TXNDC16: variants seen among roughly 807,000 people sequenced by gnomAD.
The protein encoded by TXNDC16 is thioredoxin domain-containing protein 16.
Under a neutral mutation model 85.6 loss-of-function variants are expected in TXNDC16, and 74 were observed. The observed-to-expected ratio is 0.86, with a 90% CI of 0.72 to 1.05. The LOEUF (loss-of-function observed/expected upper bound fraction) is 1.05. Among genes scored for constraint, TXNDC16 ranks in the 50% least tolerant of loss-of-function variants. The pLI is 0.00. For missense variants in TXNDC16, 959 were observed against 947.0 expected (o/e 1.01, Z -0.17); for synonymous variants, 335 against 326.5 (o/e 1.03, Z -0.28).
At chr14:52,435,720 G>C (rs368960872) in intron 20 of TXNDC16, among the ~76,000 whole-genome samples, 42 of 152,196 alleles carry the variant, frequency 2.8e-4, no homozygotes, top group Admixed American at 2.0e-4. Context: ...CAACACTTTG[G>C]GGGGCTGAGG....
In TXNDC16 at chr14:52,491,013, GAAA is replaced by G. The variant is rs369712294; in HGVS notation, c.757-11_757-9del. 7.2e-3 allele frequency: 8,450 copies of G among 1,170,700 alleles called. No individual in the cohort carries two copies. Among genetic ancestry groups the G allele is most frequent in the East Asian group, 0.016 (474 of 29,976 alleles). 72.5% of individuals were successfully genotyped at this position (1,170,700 alleles called of 1,614,324 possible). Reference sequence around the variant, plus strand: ...ATCTTCAGCAACTTCAGTCTTCATTGAAAAAAAAAAAAAAAAAAGGTGTGATAA... The same window carrying G: ...ATCTTCAGCAACTTCAGTCTTCATTGAAAAAAAAAAAAAAAGGTGTGATAA... On this transcript the variant is annotated splice_polypyrimidine_tract_variant and intron_variant, in intron 9 of 20. Coordinates refer to ENST00000281741, the MANE Select transcript of TXNDC16 (RefSeq NM_020784.3).
chr14:52,531,198 G>T (rs1200913666), intron 6 of TXNDC16, among the ~76,000 whole-genome samples: 1 of 152,082 alleles, frequency 6.6e-6, no homozygotes, highest in African/African-American at 2.4e-5. Context: ...GGAACAACAG[G>T]AACTTTCATT....
intron 9 of TXNDC16, among the ~76,000 whole-genome samples, chr14:52,494,681 T>C (rs1253356765): frequency 2.6e-5 from 4 of 152,088 alleles, no homozygotes; most frequent in Non-Finnish European, 4.4e-5. Context: ...GCCAAGAAAA[T>C]GGGGCTTTAT....
In TXNDC16 at chr14:52,440,722, C is replaced by T. The variant is rs112484936; in HGVS notation, c.1845G>A (p.Pro615=). The T allele has an allele frequency of 1.0e-4, 160 of 1,601,626 alleles. No individual in the cohort carries two copies. The South Asian group carries it at 1.1e-3, about 11-fold the overall frequency. ...TGGGAAGATTTTCCACAGTGATTTC[C>T]GGCTGTCAAAGAAAAGGAATAACAA... ...IITDALLEMF[P]EITVENLPSY... The change falls in exon 19 of 21, where the codon CCG becomes CCA. Residue 615 remains proline (P), a splice_region_variant and synonymous_variant. Transcript: ENST00000281741.
chr14:52,520,178 G>A (rs1409987040), intron 6 of TXNDC16, among the ~76,000 whole-genome samples: 1 of 152,204 alleles, frequency 6.6e-6, no homozygotes, highest in East Asian at 1.9e-4. Context: ...CGCATTTATT[G>A]AATCAAGAAG....
chr14:52,439,439 C>T, intron 19 of TXNDC16, 45 bp from the exon 20 acceptor site: 5 of 1,508,742 alleles, frequency 3.3e-6, no homozygotes, highest in Non-Finnish European at 4.5e-6. Context: ...CTTTCTACAA[C>T]AAAATAATGA....
chr14:52,536,551 A>T (rs551743652), intron 6 of TXNDC16, among the ~76,000 whole-genome samples, 168 bp downstream of exon 6: 5 of 152,308 alleles, frequency 3.3e-5, no homozygotes, highest in Admixed American at 1.3e-4. Flanking sequence ...CCATTAAAAA[A>T]TTTTTTAGAT....
intron 18 of TXNDC16, among the ~76,000 whole-genome samples, chr14:52,446,407 C>G (rs2035285287): frequency 6.6e-6 from 1 of 152,116 alleles, no homozygotes; most frequent in African/African-American, 2.4e-5. Flanking sequence ...AATGCCCATC[C>G]TAGAAGTCAG....
chr14:52,520,589 G>T (rs549997159), intron 6 of TXNDC16, among the ~76,000 whole-genome samples: 1 of 152,024 alleles, frequency 6.6e-6, no homozygotes, highest in African/African-American at 2.4e-5. Context: ...CAGCCTGGGC[G>T]ACAGAGCGAG....
Position 52,432,557 on chromosome 14 carries a change from G to A in TXNDC16, c.2225C>T (p.Pro742Leu). ...ACTTAGAAAATCATAAGCTGGAAGA[G>A]GAGGTTTCCATTCTTGAGCAGGTAA... ...TILPAQEWKP[P>L]LPAYDFLSMI... Residue 742 changes from proline to leucine, a missense_variant, in exon 21 of 21, where the codon CCT becomes CTT. Transcript: ENST00000281741. 1 of 1,611,030 alleles carries A rather than the reference G, an allele frequency of 6.2e-7. No individual in the cohort carries two copies. The highest frequency in any genetic ancestry group is 1.3e-5 in the African/African-American group (1 of 74,888).
rs757208302 is a variant in TXNDC16, at chr14:52,482,839, A to G, written c.1235T>C (p.Val412Ala). 5 of 1,611,358 alleles carry G rather than the reference A, an allele frequency of 3.1e-6. No individual in the cohort carries two copies. In the South Asian group the frequency reaches 5.5e-5, roughly 18 times the overall value. Residue 412 changes from valine to alanine, a missense_variant, in exon 13 of 21, where the codon GTA becomes GCA. Val to Ala is a moderately conservative substitution (Grantham distance 64). Coordinates refer to ENST00000281741, the MANE Select transcript of TXNDC16 (RefSeq NM_020784.3). ...NATVMASDSI[V>A]LFYAGWQAVS... is the part of the protein sequence containing the mutation. Reference sequence around the variant, plus strand: ...ATACTCACAACCAGCATAGAAGAGTACTATGCTGTCAGAAGCCATCACTGT... The same window carrying G: ...ATACTCACAACCAGCATAGAAGAGTGCTATGCTGTCAGAAGCCATCACTGT...
chr14:52,527,759 A>G (rs1198021258), intron 6 of TXNDC16, among the ~76,000 whole-genome samples: 2 of 152,110 alleles, frequency 1.3e-5, no homozygotes, highest in African/African-American at 2.4e-5. Flanking sequence ...GAAGTCTTCT[A>G]TGTGTGTATA....
Position 52,511,222 on chromosome 14 carries a change from AT to A in TXNDC16, c.756+17del, listed in dbSNP as rs779901082. 1.0e-5 allele frequency: 15 copies of A among 1,466,490 alleles called. No homozygotes were observed. In the East Asian group the frequency reaches 3.4e-4, roughly 33 times the overall value. 90.8% of individuals were successfully genotyped at this position (1,466,490 alleles called of 1,614,324 possible). ...CAGGCAGTAGAAAGCAAATAAAAATATAAAATAAGACACATACCAACAGAGG... is the reference window on the plus strand; with the variant it reads ...CAGGCAGTAGAAAGCAAATAAAAATAAAAATAAGACACATACCAACAGAGG... On this transcript the variant is annotated intron_variant, in intron 9 of 20. Transcript: ENST00000281741.
chr14:52,506,545 T>C lies in TXNDC16; in HGVS notation c.756+4695A>G, dbSNP rs865960168. On this transcript the variant is annotated intron_variant, in intron 9 of 20. Coordinates refer to ENST00000281741, the MANE Select transcript of TXNDC16 (RefSeq NM_020784.3). ...AACAACCCTTTTTTTTTTTTTTTTTTTTTTTTCTTTTTTCTTTTTTTTGAG... is the reference window on the plus strand; with the variant it reads ...AACAACCCTTTTTTTTTTTTTTTTTCTTTTTTCTTTTTTCTTTTTTTTGAG... 4.1e-3 allele frequency among the ~76,000 whole-genome samples: 518 copies of C among 125,374 alleles called. 6 individuals are homozygous for C. The highest frequency in any genetic ancestry group is 0.016 in the African/African-American group (479 of 30,088). 82.3% of individuals were successfully genotyped at this position (125,374 alleles called of 152,430 possible). A position where few individuals can be genotyped will look rare whatever the true frequency, so the allele number is the denominator to read the frequency against.
chr14:52,479,033 C>T (rs2036083832), intron 14 of TXNDC16, among the ~76,000 whole-genome samples: 1 of 152,104 alleles, frequency 6.6e-6, no homozygotes, highest in Non-Finnish European at 1.5e-5. Context: ...AAATGCGATA[C>T]ACCACATAAA....
chr14:52,500,438 T>C (rs2036630199), intron 9 of TXNDC16, among the ~76,000 whole-genome samples: 1 of 152,164 alleles, frequency 6.6e-6, no homozygotes, highest in African/African-American at 2.4e-5. Flanking sequence ...ACTGGTGGTG[T>C]CAAGGACTGC....
rs751006789 is a variant in TXNDC16 at position 52,488,370 on chromosome 14, TGGACCTTCCATG to T, written c.1089_1100del (p.Asp363_Pro367delinsGlu). 2 of 1,613,564 alleles carry T rather than the reference TGGACCTTCCATG, an allele frequency of 1.2e-6. No individual in the cohort carries two copies. Among genetic ancestry groups the T allele is most frequent in the Non-Finnish European group, 1.7e-6 (2 of 1,179,660 alleles). On this transcript the variant is annotated inframe_deletion, in exon 12 of 21. Coordinates refer to ENST00000281741, the MANE Select transcript of TXNDC16 (RefSeq NM_020784.3). ...AGAATCATAACACATTACCTATATC[TGGACCTTCCATG>T]TCATTGTCTTCATCTTCTTGTATTT...
chr14:52,532,829 G>T (rs1407119844), intron 6 of TXNDC16, among the ~76,000 whole-genome samples: 1 of 152,088 alleles, frequency 6.6e-6, no homozygotes, highest in Non-Finnish European at 1.5e-5. Flanking sequence ...CAAACTGATG[G>T]TTTTAGCATC....
At chr14:52,528,188 A>G (rs541709510) in intron 6 of TXNDC16, among the ~76,000 whole-genome samples, 105 of 152,294 alleles carry the variant, frequency 6.9e-4, no homozygotes, top group Non-Finnish European at 5.7e-4. Flanking sequence ...CGAAGTAGCA[A>G]AGTTCAAGTA....
Sources: gnomAD v4.1 joint callset for allele counts (sites outside exome capture counted in the v4.1 genomes callset) on GRCh38, gnomAD v4.1.1 for gene constraint, MANE v1.5 for transcripts, NCBI Gene and HGNC (gene_info 2026-07-23, HGNC 2026-07-21) for gene names.